NAF1: variants seen among roughly 807,000 people sequenced by gnomAD.
NAF1 encodes H/ACA ribonucleoprotein complex non-core subunit NAF1.
Under a neutral mutation model 40.6 loss-of-function variants are expected in NAF1, and 11 were observed. The ratio of observed to expected loss-of-function variants is 0.27; its 90% confidence interval spans 0.17 to 0.45. The LOEUF is 0.45. NAF1 is among the 20% of genes least tolerant of loss of function. The probability of loss-of-function intolerance (pLI) is 1.00; values close to 1 mark genes in which losing one functional copy is unlikely to be tolerated. For synonymous variants in NAF1, 260 were observed against 228.5 expected, an observed-to-expected ratio of 1.14 and a Z score of -1.24; for missense variants, 607 against 611.1, an observed-to-expected ratio of 0.99 and a Z score of 0.07.
At chr4:163,114,217 A>T (rs1204149433) in intron 2 of NAF1, among the ~76,000 whole-genome samples, 2 of 152,182 alleles carry the variant, frequency 1.3e-5, no homozygotes, top group African/African-American at 4.8e-5. Context: ...ATTTGTGGAG[A>T]GGTCTGTGGA....
chr4:163,135,562 G>C (rs1254744717), intron 6 of NAF1: 4 of 152,176 alleles, frequency 2.6e-5, no homozygotes, highest in African/African-American at 9.7e-5. Context: ...AGGCAGAGAG[G>C]GGTGGATTAC....
chr4:163,115,231 C>T (rs1730296183), intron 2 of NAF1, among the ~76,000 whole-genome samples: 1 of 107,244 alleles, frequency 9.3e-6, no homozygotes, highest in Admixed American at 1.3e-4. Flanking sequence ...TTTTTTGAGA[C>T]AGAGTCTCGC....
downstream of NAF1, among the ~76,000 whole-genome samples, chr4:163,123,487 T>C (rs551328370): frequency 6.6e-6 from 1 of 152,218 alleles, no homozygotes; most frequent in Non-Finnish European, 1.5e-5. Context: ...GTTCAAGTGA[T>C]CTTCCTGCCT....
At chr4:163,163,100 A>C (rs1176994526) in intron 2 of NAF1, among the ~76,000 whole-genome samples, 1 of 152,224 alleles carries the variant, frequency 6.6e-6, no homozygotes, top group Non-Finnish European at 1.5e-5. Flanking sequence ...TAGAAAAATG[A>C]TCAAGAGACA....
At chr4:163,163,847 GATTTCAATTGCTATTGAA>G (rs979871091) in intron 2 of NAF1, among the ~76,000 whole-genome samples, 36 of 151,586 alleles carry the variant, frequency 2.4e-4, no homozygotes, top group African/African-American at 4.8e-4. Context: ...CAAAAAAATT[GATTTCAATTGCTATTGAA>G]ATTTCAATTG....
chr4:163,127,028 T>A, downstream of NAF1: 1 of 1,551,714 alleles, frequency 6.4e-7, no homozygotes, highest in East Asian at 2.4e-5. Context: ...AACTTTTATA[T>A]GCATTTGGAA....
At chr4:163,154,217 A>G (rs1204126411) in intron 2 of NAF1, among the ~76,000 whole-genome samples, 1 of 152,210 alleles carries the variant, frequency 6.6e-6, no homozygotes, top group African/African-American at 2.4e-5. Flanking sequence ...TTCCGGACAC[A>G]CTAGTACTCT....
intron 2 of NAF1, among the ~76,000 whole-genome samples, chr4:163,110,690 G>A (rs1188464288): frequency 6.6e-6 from 1 of 152,144 alleles, no homozygotes; most frequent in East Asian, 1.9e-4. Flanking sequence ...ACAGGAACTA[G>A]AGACAGATTT....
chr4:163,127,177 T>G, downstream of NAF1: 1 of 1,515,646 alleles, frequency 6.6e-7, no homozygotes, highest in Non-Finnish European at 8.8e-7. Context: ...CCACCCAGGC[T>G]GGAGTGCAAT....
chr4:163,108,683 G>A (rs564640404), downstream of NAF1: 47 of 152,082 alleles, frequency 3.1e-4, 2 homozygotes, highest in Admixed American at 8.5e-4. Context: ...ATAGAATATG[G>A]GTTTTCAAAG....
At position 163,166,398 on chromosome 4, in the gene NAF1, G is replaced by C. The variant is rs1324549955; in HGVS notation, c.330C>G (p.Ser110=). 1.9e-6 allele frequency: 3 copies of C among 1,607,402 alleles called. No individual in the cohort carries two copies. Among genetic ancestry groups the C allele is most frequent in the Admixed American group, 3.4e-5 (2 of 59,530 alleles). ...GAAEPARAPD[S]LETSDSDSDS... ...CCGAATCCGAGTCCGAGGTCTCCAA[G>C]GAGTCCGGCGCCCGCGCAGGCTCTG... Residue 110 remains serine (S), a synonymous_variant, in exon 1 of 8, where the codon TCC becomes TCG. Coordinates refer to ENST00000274054, the MANE Select transcript of NAF1 (RefSeq NM_138386.3).
chr4:163,119,994 T>G (rs1024037947), intron 2 of NAF1: 4 of 152,212 alleles, frequency 2.6e-5, no homozygotes, highest in Admixed American at 2.6e-4. Context: ...AAAACCAAAC[T>G]GATGTTAAAG....
Position 163,115,445 on chromosome 4 carries a change from C to T in NAF1, c.115-5155G>A, listed in dbSNP as rs1730305761. 2.0e-5 allele frequency among the ~76,000 whole-genome samples: 3 copies of T among 152,178 alleles called. No individual in the cohort carries two copies. In the South Asian group the frequency reaches 6.2e-4, roughly 32 times the overall value. ...TCTCCTGACCTCGTGATCCACCCGC[C>T]TCGGCCTCCCAAAGTGCTGGGATTA... On this transcript the variant is annotated intron_variant, in intron 2 of 2. Coordinates refer to the NAF1 transcript ENST00000509434.
intron 2 of NAF1, among the ~76,000 whole-genome samples, chr4:163,153,094 T>C (rs1267168907): frequency 6.6e-6 from 1 of 152,176 alleles, no homozygotes; most frequent in Non-Finnish European, 1.5e-5. Flanking sequence ...GGGGCAGGGC[T>C]CGGGACCTGC....
chr4:163,129,002 T>C lies in NAF1; in HGVS notation c.1380A>G (p.Pro460=). 6 of 1,474,756 alleles carry C rather than the reference T, an allele frequency of 4.1e-6. No individual in the cohort carries two copies. The highest frequency in any genetic ancestry group is 5.4e-6 in the Non-Finnish European group (6 of 1,110,948). The allele number at this position is 1,474,756 out of a possible 1,614,324, so 91.4% of individuals were successfully genotyped here. The change falls in exon 8 of 8, where the codon CCA becomes CCG. Residue 460 remains proline (P), a synonymous_variant. Coordinates refer to ENST00000274054, the MANE Select transcript of NAF1 (RefSeq NM_138386.3). ...GTAGGGAGTATGGTAAGTTAAGTAA[T>C]GGATGAGCAGCCATGTTTGGTGTAG... is the stretch of plus-strand genomic sequence containing the variant. The part of the protein sequence containing the change: ...GWATPNMAAH[P]LLNLPYSLPP...
intron 2 of NAF1, among the ~76,000 whole-genome samples, chr4:163,120,692 C>T (rs1264370657): frequency 2.0e-5 from 3 of 152,004 alleles, no homozygotes; most frequent in African/African-American, 7.2e-5. Context: ...ATAGAATGCA[C>T]AGAAGAAAAT....
At chr4:163,129,426 A>T (rs1218442952) in intron 7 of NAF1, 78 bp from the exon 8 acceptor site, 15 of 1,369,518 alleles carry the variant, frequency 1.1e-5, no homozygotes, top group Non-Finnish European at 1.5e-5. Context: ...AATTTCAATT[A>T]TGATTTTTAT....
chr4:163,117,662 T>G (rs1418424149), intron 2 of NAF1, among the ~76,000 whole-genome samples: 1 of 136,812 alleles, frequency 7.3e-6, no homozygotes, highest in Non-Finnish European at 1.5e-5. Flanking sequence ...TTATTATTTT[T>G]AAACTCCCTG....
At chr4:163,162,618 A>T (rs1732273324) in intron 2 of NAF1, among the ~76,000 whole-genome samples, 1 of 152,218 alleles carries the variant, frequency 6.6e-6, no homozygotes, top group African/African-American at 2.4e-5. Context: ...CACTTTATTT[A>T]CTGTCTGTGT....
Sources: gnomAD v4.1 joint callset for allele counts (sites outside exome capture counted in the v4.1 genomes callset) on GRCh38, gnomAD v4.1.1 for gene constraint, MANE v1.5 for transcripts, NCBI Gene and HGNC (gene_info 2026-07-23, HGNC 2026-07-21) for gene names.